Variants in IHO1 observed in about 807,000 individuals in gnomAD.
IHO1 encodes interactor of HORMAD1 protein 1.
Under a neutral mutation model 31.0 loss-of-function variants are expected in IHO1, and 13 were observed. The ratio of observed to expected loss-of-function variants is 0.42; its 90% CI spans 0.27 to 0.67. The LOEUF (loss-of-function observed/expected upper bound fraction) is 0.67, where lower values mean the gene tolerates loss of function less well. Among genes scored for constraint, IHO1 ranks in the 30% least tolerant of loss-of-function variants. IHO1 has a pLI of 0.24. For synonymous variants in IHO1, 221 were observed against 248.4 expected, an observed-to-expected ratio of 0.89 and a Z score of 1.04; for missense variants, 599 against 687.5, an observed-to-expected ratio of 0.87 and a Z score of 1.44.
intron 1 of IHO1, among the ~76,000 whole-genome samples, chr3:49,206,186 G>A (rs1215937839): frequency 3.3e-5 from 5 of 152,036 alleles, no homozygotes; most frequent in South Asian, 2.1e-4. Context: ...GGATGGTCTC[G>A]ATCTCCTGAC....
chr3:49,208,824 C>CA (rs2107683803), intron 1 of IHO1, among the ~76,000 whole-genome samples: 1 of 152,310 alleles, frequency 6.6e-6, no homozygotes, highest in Non-Finnish European at 1.5e-5. Flanking sequence ...CCACTACCAA[C>CA]AGAGAGGGTA....
chr3:49,196,869 G>A (rs1368259233), upstream of IHO1, among the ~76,000 whole-genome samples: 2 of 151,284 alleles, frequency 1.3e-5, no homozygotes, highest in Non-Finnish European at 2.9e-5. Context: ...ACGGGGTTTC[G>A]CTGTGTTAGC....
At chr3:49,253,755 G>T (rs1403310655) in intron 6 of IHO1, among the ~76,000 whole-genome samples, 2 of 149,826 alleles carry the variant, frequency 1.3e-5, no homozygotes, top group Non-Finnish European at 3.0e-5. Flanking sequence ...TACATTTATA[G>T]TTATTTGTAT....
intron 6 of IHO1, chr3:49,244,999 A>G (rs896313393): frequency 1.2e-5 from 7 of 586,516 alleles, no homozygotes; most frequent in South Asian, 6.4e-5. Context: ...CAGGGCAGGT[A>G]GCTCTGCTAG....
At chr3:49,214,011 ACTCTTCTT>A (rs779175825) in intron 2 of IHO1, 32 of 359,912 alleles carry the variant, frequency 8.9e-5, no homozygotes, top group South Asian at 6.2e-4. Context: ...CCTCATACAG[ACTCTTCTT>A]CTCTTCATCT....
intron 6 of IHO1, among the ~76,000 whole-genome samples, chr3:49,249,904 G>C (rs1053744177): frequency 1.3e-5 from 2 of 152,222 alleles, no homozygotes; most frequent in African/African-American, 2.4e-5. Context: ...TGGCCATCCG[G>C]GGAAAAGCTT....
Position 49,256,848 on chromosome 3 carries a change from G to A in IHO1, c.1351G>A (p.Ala451Thr), listed in dbSNP as rs1179321798. The A allele has an allele frequency of 1.9e-6, 3 of 1,614,106 alleles. No individual in the cohort carries two copies. The Admixed American group carries it at 5.0e-5, about 27-fold the overall frequency. ...KKQQPRKAHR[A>T]HRGRLIASKQ... ...GCAGCAGCCCAGGAAGGCCCACAGGGCCCACAGAGGCAGGCTCATAGCCAG... is the reference window on the plus strand; with the variant it reads ...GCAGCAGCCCAGGAAGGCCCACAGGACCCACAGAGGCAGGCTCATAGCCAG... Residue 451 changes from alanine to threonine, a missense_variant, in exon 8 of 8, where the codon GCC (alanine) becomes ACC (threonine). Ala to Thr is a moderately conservative substitution (Grantham distance 58). Coordinates refer to ENST00000452691, the MANE Select transcript of IHO1 (RefSeq NM_001135197.2). The surrounding 1 kb of genome is among the most constrained non-coding windows in gnomAD (Gnocchi z 4.6).
At chr3:49,199,861 T>A (rs991170877) in intron 1 of IHO1, 2 of 152,034 alleles carry the variant, frequency 1.3e-5, no homozygotes, top group African/African-American at 4.8e-5. Flanking sequence ...AGTTGAGGAG[T>A]GAGACCGGGT....
chr3:49,197,741 G>T (rs2046008312), upstream of IHO1, among the ~76,000 whole-genome samples: 1 of 152,014 alleles, frequency 6.6e-6, no homozygotes, highest in South Asian at 2.1e-4. Context: ...GGGTGTGGTG[G>T]CAGGCACCTG....
chr3:49,255,446 G>T lies in IHO1; in HGVS notation c.589G>T (p.Gly197Cys). The change falls in exon 7 of 8, where the codon GGC (glycine) becomes TGC (cysteine). Residue 197 changes from glycine to cysteine, a missense_variant. Transcript: ENST00000452691. The part of the protein sequence containing the change: ...DLVFEAVQDK[G>C]NMEQAILEMK... Reference sequence around the variant, plus strand: ...GGTGTTTGAGGCAGTCCAGGACAAAGGCAACATGGAGCAGGCCATCCTTGA... The same window carrying T: ...GGTGTTTGAGGCAGTCCAGGACAAATGCAACATGGAGCAGGCCATCCTTGA... The T allele has an allele frequency of 6.2e-7, 1 of 1,606,618 alleles. No homozygotes were observed. Among genetic ancestry groups the T allele is most frequent in the Non-Finnish European group, 8.5e-7 (1 of 1,178,146 alleles).
intron 6 of IHO1, among the ~76,000 whole-genome samples, chr3:49,246,431 G>A (rs2046695787): frequency 6.6e-6 from 1 of 152,068 alleles, no homozygotes; most frequent in African/African-American, 2.4e-5. Flanking sequence ...GATCACTTGA[G>A]GCCAGGAGTT....
At chr3:49,200,688 C>T (rs190478387) in intron 1 of IHO1, 334 of 405,080 alleles carry the variant, frequency 8.2e-4, no homozygotes, top group Non-Finnish European at 1.0e-3. Context: ...TTTTTCTCCC[C>T]TTTTATGCTT....
chr3:49,235,929 C>CAA (rs35209519), intron 2 of IHO1, among the ~76,000 whole-genome samples: 1,873 of 114,088 alleles, frequency 0.016, 31 homozygotes, highest in Non-Finnish European at 0.02. Context: ...GACTCTGTCT[C>CAA]AAAAAAAAAA....
chr3:49,205,256 C>A (rs1287501711), intron 1 of IHO1, among the ~76,000 whole-genome samples: 1 of 151,758 alleles, frequency 6.6e-6, no homozygotes, highest in Non-Finnish European at 1.5e-5. Context: ...TGTCATAGCG[C>A]TGGTTGGAGT....
chr3:49,227,771 T>C (rs1261549276), intron 2 of IHO1, among the ~76,000 whole-genome samples: 1 of 152,178 alleles, frequency 6.6e-6, no homozygotes, highest in African/African-American at 2.4e-5. Flanking sequence ...GGGAGGGATC[T>C]CCAGGGTTGG....
intron 4 of IHO1, among the ~76,000 whole-genome samples, chr3:49,243,331 G>A (rs557553620): frequency 1.3e-5 from 2 of 151,948 alleles, no homozygotes; most frequent in African/African-American, 4.8e-5. Context: ...TTTTAGTAGA[G>A]ACGGGGTTTC....
chr3:49,213,046 C>T (rs1312651490), intron 2 of IHO1, among the ~76,000 whole-genome samples: 3 of 152,232 alleles, frequency 2.0e-5, no homozygotes, highest in Non-Finnish European at 4.4e-5. Context: ...CTGAGCTAGA[C>T]ACAAAAGTTC....
At chr3:49,195,911 T>C (rs1025443032), upstream of IHO1, among the ~76,000 whole-genome samples, 2 of 149,732 alleles carry the variant, frequency 1.3e-5, no homozygotes, top group African/African-American at 2.5e-5. Flanking sequence ...CCATCCTGGC[T>C]AACACAGTGA....
chr3:49,251,129 GGTTT>G (rs1242478285), intron 6 of IHO1, among the ~76,000 whole-genome samples: 1 of 151,546 alleles, frequency 6.6e-6, no homozygotes, highest in Non-Finnish European at 1.5e-5. Flanking sequence ...TTGGTTGGTT[GGTTT>G]GTTTTGAGAC....
Sources: allele counts gnomAD v4.1 joint callset (sites outside exome capture counted in the v4.1 genomes callset), GRCh38; gene constraint gnomAD v4.1.1; non-coding constraint Gnocchi (gnomAD v3.1); transcripts MANE v1.5; gene names NCBI Gene and HGNC (gene_info 2026-07-23, HGNC 2026-07-21).